The following ACER3 variants were observed in gnomAD, a reference collection of about 807,000 sequenced individuals.
ACER3 encodes alkaline ceramidase 3, also known as alkCDase 3.
In ACER3, 16 loss-of-function variants were observed where a neutral mutation model predicts 48.9. The ratio of observed to expected loss-of-function variants is 0.33; its 90% CI spans 0.22 to 0.50. The LOEUF is 0.50. ACER3 is among the 20% of genes least tolerant of loss of function. The pLI, the probability that ACER3 is intolerant of heterozygous loss-of-function variation, is 0.98. For missense variants in ACER3, 227 were observed against 326.0 expected (o/e 0.70, Z 2.34); for synonymous variants, 109 against 107.8 (o/e 1.01, Z -0.07).
Position 77,026,395 on chromosome 11 carries a change from G to A in ACER3, c.*6068G>A, listed in dbSNP as rs1250433979. On this transcript the variant is annotated 3_prime_UTR_variant, in exon 11 of 11. Transcript: ENST00000532485. ...AGTGAGTCTGTTCTAAGATATAGGGGCCATTATCTATTTTTGCTTAATGGA... is the reference window on the plus strand; with the variant it reads ...AGTGAGTCTGTTCTAAGATATAGGGACCATTATCTATTTTTGCTTAATGGA... The A allele has an allele frequency of 6.6e-6, 1 of 152,050 alleles. No individual in the cohort carries two copies. The highest frequency in any genetic ancestry group is 1.5e-5 in the Non-Finnish European group (1 of 68,006). 9.4% of individuals were successfully genotyped at this position (152,050 alleles called of 1,614,324 possible). A position where few individuals can be genotyped will look rare whatever the true frequency, so the allele number is the denominator to read the frequency against.
chr11:76,969,395 C>T lies in ACER3; in HGVS notation c.268-6894C>T, dbSNP rs560806145. On this transcript the variant is annotated intron_variant, in intron 3 of 10. Coordinates refer to ENST00000532485, the MANE Select transcript of ACER3 (RefSeq NM_018367.7). ...TGTGGAAGACAGTGTGGCGATTCCT[C>T]GAGGATCTAGAACTAGAAATACCAT... Among the ~76,000 whole-genome samples the T allele has an allele frequency of 1.7e-3, 252 of 152,192 alleles. 2 individuals are homozygous for T. Among genetic ancestry groups the T allele is most frequent in the African/African-American group, 5.6e-3 (231 of 41,498 alleles).
chr11:76,937,397 T>C (rs1947218794), intron 2 of ACER3, among the ~76,000 whole-genome samples: 1 of 152,200 alleles, frequency 6.6e-6, no homozygotes, highest in African/African-American at 2.4e-5. Context: ...CCATCAACAG[T>C]TCAAAATTAA....
At chr11:76,907,485 A>G (rs1304190107) in intron 1 of ACER3, among the ~76,000 whole-genome samples, 2 of 152,190 alleles carry the variant, frequency 1.3e-5, no homozygotes, top group Non-Finnish European at 2.9e-5. Flanking sequence ...ATTAAGTAAT[A>G]TGTATGTATG....
At chr11:77,008,118 C>CT (rs1949191679) in intron 7 of ACER3, among the ~76,000 whole-genome samples, 1 of 152,144 alleles carries the variant, frequency 6.6e-6, no homozygotes, top group African/African-American at 2.4e-5. Flanking sequence ...TGTATCATTT[C>CT]TCAGGTCCCA....
At chr11:76,866,009 A>G (rs1945080608) in intron 1 of ACER3, among the ~76,000 whole-genome samples, 1 of 143,462 alleles carries the variant, frequency 7.0e-6, no homozygotes, top group South Asian at 2.2e-4. Context: ...TTTTTTTGGT[A>G]GAGATGGGGT....
At chr11:76,996,719 C>T (rs988683978) in intron 6 of ACER3, among the ~76,000 whole-genome samples, 3 of 138,704 alleles carry the variant, frequency 2.2e-5, no homozygotes, top group African/African-American at 5.6e-5. Context: ...CCCACCCAGC[C>T]TTTTTTTTTT....
rs975192469 is a variant in ACER3 at position 76,924,689 on chromosome 11, T to A, written c.104-1868T>A. Among the ~76,000 whole-genome samples, 46 of 152,166 alleles carry A rather than the reference T, an allele frequency of 3.0e-4. 1 individual carries two copies. Among genetic ancestry groups the A allele is most frequent in the Admixed American group, 3.0e-3 (46 of 15,272 alleles). On this transcript the variant is annotated intron_variant, in intron 1 of 10. Transcript: ENST00000532485. ...ATATTTTCTCAATAAAGTCAGAGCA[T>A]AATTTTTTACTAAATAAGTAGTTAG... is the stretch of plus-strand genomic sequence containing the variant.
Position 76,889,280 on chromosome 11 carries a change from G to GT in ACER3, c.103+28211dup, listed in dbSNP as rs1050414036. Among the ~76,000 whole-genome samples, 252 of 148,626 alleles carry GT rather than the reference G, an allele frequency of 1.7e-3. 2 individuals carry two copies. The highest frequency in any genetic ancestry group is 5.2e-3 in the African/African-American group (211 of 40,620). On this transcript the variant is annotated intron_variant, in intron 1 of 10. Transcript: ENST00000532485. ...TGTATTAGTTTTCAGTTGCCTCTTG[G>GT]TTTTTTTTTTCCTTTTAAGAAGTAC...
At chr11:76,886,947 G>A (rs1945689071) in intron 1 of ACER3, among the ~76,000 whole-genome samples, 1 of 152,112 alleles carries the variant, frequency 6.6e-6, no homozygotes, top group Non-Finnish European at 1.5e-5. Flanking sequence ...CAAAGTGCTG[G>A]GATTACAGGC....
intron 2 of ACER3, among the ~76,000 whole-genome samples, chr11:76,938,125 C>T (rs1462410396): frequency 3.3e-5 from 5 of 152,126 alleles, no homozygotes; most frequent in Admixed American, 3.3e-4. Flanking sequence ...ACAATCCTCC[C>T]ACCTTGGTCT....
intron 3 of ACER3, among the ~76,000 whole-genome samples, chr11:76,962,360 T>A (rs1412843682): frequency 3.3e-5 from 5 of 150,364 alleles, no homozygotes; most frequent in Non-Finnish European, 7.4e-5. Context: ...GCTGGGGTTA[T>A]AAGCACCCGC....
intron 1 of ACER3, among the ~76,000 whole-genome samples, chr11:76,872,836 G>A (rs1045954280): frequency 6.6e-6 from 1 of 150,806 alleles, no homozygotes; most frequent in Admixed American, 6.6e-5. Context: ...TGGTTTAGTA[G>A]ATATGGAATG....
chr11:76,919,031 C>T (rs1258965263), intron 1 of ACER3, among the ~76,000 whole-genome samples: 1 of 152,224 alleles, frequency 6.6e-6, no homozygotes, highest in Non-Finnish European at 1.5e-5. Context: ...AAACCAGTTA[C>T]AGCTTTCATC....
chr11:76,965,129 C>T (rs978567008), intron 3 of ACER3, among the ~76,000 whole-genome samples: 2 of 151,316 alleles, frequency 1.3e-5, no homozygotes, highest in Non-Finnish European at 2.9e-5. Flanking sequence ...CCTGATGGAG[C>T]TGAAAACCAC....
chr11:76,998,207 GC>G (rs936482762), intron 6 of ACER3, among the ~76,000 whole-genome samples: 42 of 152,306 alleles, frequency 2.8e-4, no homozygotes, highest in African/African-American at 9.1e-4. Flanking sequence ...AGAAAGAAGA[GC>G]CAACGCTAGG....
intron 1 of ACER3, among the ~76,000 whole-genome samples, chr11:76,883,527 G>T (rs555125296): frequency 7.5e-6 from 1 of 133,730 alleles, no homozygotes; most frequent in Non-Finnish European, 1.5e-5. Flanking sequence ...TGCAACCTCC[G>T]CCCTCTGGGT....
intron 3 of ACER3, among the ~76,000 whole-genome samples, chr11:76,968,641 T>A (rs1178670715): frequency 6.6e-6 from 1 of 152,126 alleles, no homozygotes; most frequent in Admixed American, 6.5e-5. Flanking sequence ...TAATGCCACA[T>A]ATCTACAACT....
chr11:76,928,195 A>G (rs1355608826), intron 2 of ACER3, among the ~76,000 whole-genome samples: 1 of 152,048 alleles, frequency 6.6e-6, no homozygotes, highest in African/African-American at 2.4e-5. Flanking sequence ...TTTGATTTGC[A>G]TTTCTCTGAT....
At chr11:76,875,274 G>C (rs535996634) in intron 1 of ACER3, among the ~76,000 whole-genome samples, 2 of 151,258 alleles carry the variant, frequency 1.3e-5, no homozygotes, top group South Asian at 4.2e-4. Context: ...CCACTACACC[G>C]GGCTAATTTT....
Sources: gnomAD v4.1 joint callset for allele counts (sites outside exome capture counted in the v4.1 genomes callset) on GRCh38, gnomAD v4.1.1 for gene constraint, MANE v1.5 for transcripts, NCBI Gene and HGNC (gene_info 2026-07-23, HGNC 2026-07-21) for gene names.